NAA11: variants seen among roughly 807,000 people sequenced by gnomAD.
NAA11 encodes N-alpha-acetyltransferase 11.
In NAA11, 15 loss-of-function variants were observed where a neutral mutation model predicts 16.1. The observed-to-expected ratio is 0.93, with a 90% CI of 0.62 to 1.44. NAA11 has a LOEUF of 1.44. NAA11 is among the 40% of genes most tolerant of loss of function. NAA11 has a pLI of 0.00. For missense variants in NAA11, 298 were observed against 291.3 expected, an observed-to-expected ratio of 1.02 and a Z score of -0.17; for synonymous variants, 122 against 112.4, an observed-to-expected ratio of 1.09 and a Z score of -0.54.
chr4:79,203,525 G>A, the NAA11 span, among the ~76,000 whole-genome samples: 1 of 151,678 alleles, frequency 6.6e-6, no homozygotes, highest in Non-Finnish European at 1.5e-5. Context: ...TGAATTATAA[G>A]ATGCACAGTG....
chr4:79,242,765 G>T (rs540591291), intron 2 of NAA11, among the ~76,000 whole-genome samples: 1 of 152,160 alleles, frequency 6.6e-6, no homozygotes, highest in East Asian at 1.9e-4. Context: ...CCACTTTGGG[G>T]TTCAGTTGTT....
chr4:79,189,372 G>A, the NAA11 span, among the ~76,000 whole-genome samples: 6 of 151,956 alleles, frequency 3.9e-5, no homozygotes, highest in Non-Finnish European at 5.9e-5. Context: ...ATGGCTAGAT[G>A]GCAACATTTT....
At chr4:79,179,340 G>A in the NAA11 span, among the ~76,000 whole-genome samples, 386 of 152,188 alleles carry the variant, frequency 2.5e-3, 2 homozygotes, top group African/African-American at 8.7e-3. Context: ...TTCCATGCCA[G>A]AACTCTGAAT....
At chr4:79,178,751 C>A in the NAA11 span, among the ~76,000 whole-genome samples, 2 of 152,004 alleles carry the variant, frequency 1.3e-5, no homozygotes, top group Non-Finnish European at 2.9e-5. Flanking sequence ...GAGAGAATAA[C>A]CTTGGTGGTG....
intron 1 of NAA11, among the ~76,000 whole-genome samples, chr4:79,301,089 A>G (rs1160124008): frequency 6.6e-6 from 1 of 152,216 alleles, no homozygotes; most frequent in Non-Finnish European, 1.5e-5. Context: ...ATCAGAATCC[A>G]TGTATCTAAA....
chr4:79,158,698 GAT>G, the NAA11 span, among the ~76,000 whole-genome samples: 3,096 of 111,832 alleles, frequency 0.028, 141 homozygotes, highest in African/African-American at 0.074. Context: ...CACATTACCT[GAT>G]ATATATATAT....
chr4:79,238,453 AACAG>A (rs777514324), intron 2 of NAA11, among the ~76,000 whole-genome samples: 8 of 152,310 alleles, frequency 5.3e-5, no homozygotes, highest in African/African-American at 7.2e-5. Flanking sequence ...AATCTAATAT[AACAG>A]ACAGAGTAAG....
intron 1 of NAA11, among the ~76,000 whole-genome samples, chr4:79,304,834 C>T (rs944750632): frequency 2.0e-5 from 3 of 152,036 alleles, no homozygotes; most frequent in Non-Finnish European, 4.4e-5. Context: ...GAGCCCCTTG[C>T]CCTAGTATCT....
At chr4:79,262,226 G>C (rs1460603513) in intron 2 of NAA11, among the ~76,000 whole-genome samples, 1 of 152,110 alleles carries the variant, frequency 6.6e-6, no homozygotes, top group Non-Finnish European at 1.5e-5. Context: ...TGAAAAACAT[G>C]CAAAGACAAG....
chr4:79,161,017 C>A, the NAA11 span, among the ~76,000 whole-genome samples: 2 of 152,076 alleles, frequency 1.3e-5, no homozygotes, highest in Non-Finnish European at 2.9e-5. Context: ...ATTGATTAAT[C>A]CAAGATTACA....
chr4:79,226,287 A>T (rs1721310250), intron 2 of NAA11: 1 of 152,054 alleles, frequency 6.6e-6, no homozygotes, highest in South Asian at 2.1e-4. Flanking sequence ...AAGCAGAAAG[A>T]GAGAGAGTTG....
At chr4:79,192,225 C>T in the NAA11 span, among the ~76,000 whole-genome samples, 4 of 151,680 alleles carry the variant, frequency 2.6e-5, no homozygotes, top group African/African-American at 9.7e-5. Flanking sequence ...GGAAGAATGT[C>T]ATTGATAATT....
the NAA11 span, among the ~76,000 whole-genome samples, chr4:79,157,186 T>A: frequency 6.6e-6 from 1 of 152,134 alleles, no homozygotes; most frequent in Non-Finnish European, 1.5e-5. Context: ...ATTTGTGAGA[T>A]TTTGTTGCAC....
chr4:79,235,467 G>C (rs1721552321), intron 2 of NAA11, among the ~76,000 whole-genome samples: 2 of 152,052 alleles, frequency 1.3e-5, no homozygotes, highest in African/African-American at 4.8e-5. Context: ...AAAACCTGGG[G>C]TACAATGACT....
At chr4:79,176,773 C>T in the NAA11 span, among the ~76,000 whole-genome samples, 1 of 152,206 alleles carries the variant, frequency 6.6e-6, no homozygotes, top group Non-Finnish European at 1.5e-5. Context: ...ACTTCAGTAT[C>T]CCTTCAGAGA....
intron 2 of NAA11, among the ~76,000 whole-genome samples, chr4:79,274,068 T>G (rs1424069131): frequency 6.6e-6 from 1 of 152,062 alleles, no homozygotes; most frequent in Non-Finnish European, 1.5e-5. Flanking sequence ...CTTGACAACT[T>G]GTGATGGTGA....
the NAA11 span, among the ~76,000 whole-genome samples, chr4:79,185,873 A>T: frequency 9.2e-4 from 131 of 142,350 alleles, no homozygotes; most frequent in East Asian, 2.6e-3. Context: ...GAATGAAATT[A>T]AAAAAAAAAA....
chr4:79,307,876 AC>A (rs1308311609), intron 1 of NAA11, among the ~76,000 whole-genome samples: 2 of 152,210 alleles, frequency 1.3e-5, no homozygotes, highest in Non-Finnish European at 2.9e-5. Context: ...TACTTCTTTG[AC>A]CATGTAAAGG....
intron 2 of NAA11, chr4:79,227,974 G>A (rs1721361298): frequency 6.6e-6 from 1 of 151,860 alleles, no homozygotes; most frequent in Non-Finnish European, 1.5e-5. Flanking sequence ...AAGTCTTCTG[G>A]AACTTAACTG....
Sources: gnomAD v4.1 joint callset for allele counts (sites outside exome capture counted in the v4.1 genomes callset) on GRCh38, gnomAD v4.1.1 for gene constraint, MANE v1.5 for transcripts, NCBI Gene and HGNC (gene_info 2026-07-23, HGNC 2026-07-21) for gene names.